The following PPFIA2 variants were observed in gnomAD, a reference collection of about 807,000 sequenced individuals.
PPFIA2 encodes liprin-alpha-2.
In PPFIA2, 46 loss-of-function variants were observed where a neutral mutation model predicts 175.5. That is an observed-to-expected ratio of 0.26 (90% confidence interval 0.21 to 0.34). The LOEUF (loss-of-function observed/expected upper bound fraction) is 0.34. PPFIA2 is among the 10% of genes least tolerant of loss of function. The probability of loss-of-function intolerance (pLI) is 1.00; values close to 1 mark genes in which losing one functional copy is unlikely to be tolerated. For synonymous variants in PPFIA2, 568 were observed against 511.4 expected (o/e 1.11, Z -1.49); for missense variants, 1,179 against 1,506.1 (o/e 0.78, Z 3.60).
At chr12:81,352,273 T>C (rs771475587) in intron 17 of PPFIA2, among the ~76,000 whole-genome samples, 2 of 151,822 alleles carry the variant, frequency 1.3e-5, no homozygotes, top group Non-Finnish European at 2.9e-5. Context: ...TTTGCTCTTC[T>C]GACAAGTTCA....
intron 4 of PPFIA2, among the ~76,000 whole-genome samples, chr12:81,570,602 T>C (rs1424338877): frequency 6.6e-6 from 1 of 151,956 alleles, no homozygotes; most frequent in African/African-American, 2.4e-5. Context: ...ATCTTGGTTT[T>C]AAAAATTGAA....
intron 4 of PPFIA2, among the ~76,000 whole-genome samples, chr12:81,500,786 C>T (rs2060515488): frequency 6.6e-6 from 1 of 152,156 alleles, no homozygotes; most frequent in African/African-American, 2.4e-5. Context: ...CGCTATGTGA[C>T]TTGTATCTCT....
chr12:81,484,596 T>C (rs1202696261), intron 4 of PPFIA2, among the ~76,000 whole-genome samples: 1 of 152,016 alleles, frequency 6.6e-6, no homozygotes. Context: ...ATAGCACTAT[T>C]CATTAGAGTA....
intron 6 of PPFIA2, 86 bp downstream of exon 6, chr12:81,445,470 G>T: frequency 7.7e-7 from 1 of 1,296,490 alleles, no homozygotes; most frequent in Non-Finnish European, 1.1e-6. Context: ...GACTTTAGGA[G>T]TCAGGTGAGT....
At chr12:81,582,536 G>T (rs951390700) in intron 4 of PPFIA2, among the ~76,000 whole-genome samples, 2 of 151,484 alleles carry the variant, frequency 1.3e-5, no homozygotes, top group African/African-American at 4.8e-5. Context: ...CCTACCTTTC[G>T]TTTAGCTTAT....
intron 3 of PPFIA2, among the ~76,000 whole-genome samples, chr12:81,745,171 G>C (rs534887619): frequency 2.0e-5 from 3 of 152,272 alleles, no homozygotes; most frequent in African/African-American, 7.2e-5. Context: ...AAAAAGTCTA[G>C]TCTAGACTAA....
intron 4 of PPFIA2, among the ~76,000 whole-genome samples, chr12:81,574,548 A>T (rs1235087546): frequency 1.3e-5 from 2 of 151,770 alleles, no homozygotes; most frequent in African/African-American, 4.8e-5. Context: ...TTCTATTAAG[A>T]CCAATTGAAT....
chr12:81,281,677 C>G (rs2042119842), intron 26 of PPFIA2, among the ~76,000 whole-genome samples: 1 of 151,978 alleles, frequency 6.6e-6, no homozygotes, highest in Non-Finnish European at 1.5e-5. Flanking sequence ...TTTGTATTCT[C>G]AAAAGGAATT....
intron 4 of PPFIA2, among the ~76,000 whole-genome samples, chr12:81,571,248 T>C (rs2153413864): frequency 6.6e-6 from 1 of 152,280 alleles, no homozygotes; most frequent in East Asian, 1.9e-4. Flanking sequence ...GGTGGCCCAT[T>C]ACTGCTTTTA....
intron 8 of PPFIA2, among the ~76,000 whole-genome samples, chr12:81,386,805 C>T (rs1454818513): frequency 6.6e-6 from 1 of 152,058 alleles, no homozygotes; most frequent in Non-Finnish European, 1.5e-5. Context: ...CATTTCCGCT[C>T]ATGTTTTCAG....
At chr12:81,405,995 T>C in intron 7 of PPFIA2, 92 bp from the exon 8 acceptor site, 1 of 642,276 alleles carries the variant, frequency 1.6e-6, no homozygotes, top group East Asian at 3.0e-5. Context: ...TAAGAACTAA[T>C]GAACACTAAC....
intron 9 of PPFIA2, among the ~76,000 whole-genome samples, chr12:81,380,859 T>C (rs1489568711): frequency 6.6e-6 from 1 of 152,080 alleles, no homozygotes; most frequent in Non-Finnish European, 1.5e-5. Context: ...ACACCCGTAA[T>C]AGTTTTCACA....
intron 3 of PPFIA2, among the ~76,000 whole-genome samples, chr12:81,713,534 C>T (rs1052522614): frequency 6.6e-6 from 1 of 151,146 alleles, no homozygotes; most frequent in Non-Finnish European, 1.5e-5. Flanking sequence ...CTTCCATAGT[C>T]TGCAATTATG....
intron 3 of PPFIA2, among the ~76,000 whole-genome samples, chr12:81,690,440 C>G (rs935791047): frequency 1.3e-5 from 2 of 151,932 alleles, no homozygotes; most frequent in South Asian, 4.1e-4. Context: ...CAGGATTTTT[C>G]GCATCTTTAC....
chr12:81,505,394 G>C (rs2061047237), intron 4 of PPFIA2, among the ~76,000 whole-genome samples: 1 of 152,102 alleles, frequency 6.6e-6, no homozygotes, highest in Non-Finnish European at 1.5e-5. Context: ...GCTTCATCTT[G>C]GCAAAGACAT....
intron 4 of PPFIA2, among the ~76,000 whole-genome samples, chr12:81,486,322 C>T (rs562497186): frequency 3.3e-5 from 5 of 151,818 alleles, no homozygotes; most frequent in Non-Finnish European, 7.4e-5. Context: ...TAGCTGGTAA[C>T]AAAAGTTCAG....
chr12:81,264,332 T>C (rs2136180194), intron 30 of PPFIA2, among the ~76,000 whole-genome samples: 1 of 152,332 alleles, frequency 6.6e-6, no homozygotes, highest in East Asian at 1.9e-4. Flanking sequence ...ACAGACATAA[T>C]TATTTTCCTC....
intron 11 of PPFIA2, among the ~76,000 whole-genome samples, 186 bp downstream of exon 11, chr12:81,374,448 T>C (rs1313249329): frequency 2.0e-5 from 3 of 152,154 alleles, no homozygotes; most frequent in Non-Finnish European, 2.9e-5. Flanking sequence ...ATCACATTTG[T>C]ATAACAATTA....
intron 4 of PPFIA2, among the ~76,000 whole-genome samples, chr12:81,546,923 T>C (rs1047946794): frequency 1.3e-5 from 2 of 152,078 alleles, no homozygotes; most frequent in African/African-American, 2.4e-5. Context: ...TCTGATTCTC[T>C]ACCTGTCTTC....
Sources: gnomAD v4.1 joint callset for allele counts (sites outside exome capture counted in the v4.1 genomes callset) on GRCh38, gnomAD v4.1.1 for gene constraint, MANE v1.5 for transcripts, NCBI Gene and HGNC (gene_info 2026-07-23, HGNC 2026-07-21) for gene names.